TRMT1: variants seen among roughly 807,000 people sequenced by gnomAD.
TRMT1 encodes the protein tRNA methyltransferase 1.
In TRMT1, 63 loss-of-function variants were observed where a neutral mutation model predicts 75.4. The ratio of observed to expected loss-of-function variants is 0.84; its 90% CI spans 0.68 to 1.03. The LOEUF is 1.03. Ranked by LOEUF, TRMT1 falls within the 50% of genes least tolerant of loss-of-function variation. The pLI, the probability that TRMT1 is intolerant of heterozygous loss-of-function variation, is 0.00. For synonymous variants in TRMT1, 382 were observed against 358.1 expected, an observed-to-expected ratio of 1.07 and a Z score of -0.75; for missense variants, 870 against 905.3, an observed-to-expected ratio of 0.96 and a Z score of 0.50.
rs1190168954 is a variant in TRMT1 at position 13,116,658 on chromosome 19, C to T, written c.-38G>A. The T allele has an allele frequency of 3.8e-6, 2 of 520,500 alleles. No homozygotes were observed. The highest frequency in any genetic ancestry group is 6.8e-6 in the Non-Finnish European group (2 of 295,170). 32.2% of individuals were successfully genotyped at this position (520,500 alleles called of 1,614,324 possible). ...GCTGCCTAGCCCGTCCTCACCTGCT[C>T]TCGTAGCCACAGAAAACCGAATTAG... On this transcript the variant is annotated 5_prime_UTR_variant, in exon 1 of 17. Coordinates refer to ENST00000357720, the MANE Select transcript of TRMT1 (RefSeq NM_001136035.4).
chr19:13,110,342 C>T (rs914870407), intron 7 of TRMT1, 36 bp from the exon 8 acceptor site: 11 of 1,553,462 alleles, frequency 7.1e-6, no homozygotes, highest in South Asian at 1.2e-5. Context: ...CTCCCCTCCA[C>T]TATCCACCCA....
At chr19:13,106,242 T>C (rs2018862877) in intron 14 of TRMT1, among the ~76,000 whole-genome samples, 1 of 151,604 alleles carries the variant, frequency 6.6e-6, no homozygotes, top group Admixed American at 6.6e-5. Context: ...CTAATTTTTT[T>C]AGTTTTCTGG....
intron 7 of TRMT1, among the ~76,000 whole-genome samples, chr19:13,110,956 A>G (rs2019115543): frequency 6.6e-6 from 1 of 152,174 alleles, no homozygotes; most frequent in Non-Finnish European, 1.5e-5. Context: ...ATCTCAAAAA[A>G]GAAAAAAAAG....
At chr19:13,113,574 A>C (rs2019222732) in intron 5 of TRMT1, among the ~76,000 whole-genome samples, 1 of 151,972 alleles carries the variant, frequency 6.6e-6, no homozygotes, top group Non-Finnish European at 1.5e-5. Flanking sequence ...TCTGCCTGAC[A>C]CCATTTCAAG....
Position 13,112,744 on chromosome 19 carries a change from G to A in TRMT1, c.831C>T (p.Tyr277=), listed in dbSNP as rs772203275. The change falls in exon 7 of 17, where the codon TAC becomes TAT. Residue 277 remains tyrosine (Y), a synonymous_variant. Coordinates refer to ENST00000357720, the MANE Select transcript of TRMT1 (RefSeq NM_001136035.4). ...CCCGGCTCTTGAGGGCCATGGCCCCGTACTTGCTGTAGCACGTCTCCCCGC... is the reference window on the plus strand; with the variant it reads ...CCCGGCTCTTGAGGGCCATGGCCCCATACTTGCTGTAGCACGTCTCCCCGC... The part of the protein sequence containing the change: ...GNSGETCYSK[Y]GAMALKSRAC... 29 of 1,613,382 alleles carry A rather than the reference G, an allele frequency of 1.8e-5. No homozygotes were observed. Among genetic ancestry groups the A allele is most frequent in the East Asian group, 1.1e-4 (5 of 44,896 alleles).
Position 13,110,197 on chromosome 19 carries a change from C to A in TRMT1, c.980G>T (p.Arg327Leu). 6.2e-7 allele frequency: 1 copy of A among 1,612,516 alleles called. No homozygotes were observed. The highest frequency in any genetic ancestry group is 8.5e-7 in the Non-Finnish European group (1 of 1,180,020). The change falls in exon 8 of 17, where the codon CGT (arginine) becomes CTT (leucine). Residue 327 changes from arginine to leucine, a missense_variant. Arg to Leu is a moderately radical substitution (Grantham distance 102). Transcript: ENST00000357720. Reference protein sequence around the residue: ...SADFYVRVFVRVFTGQAKVKA... With the variant: ...SADFYVRVFVLVFTGQAKVKA... ...GACCTTGGCCTGGCCGGTGAAGACACGGACAAAAACACGCACGTAGAAGTC... is the reference window on the plus strand; with the variant it reads ...GACCTTGGCCTGGCCGGTGAAGACAAGGACAAAAACACGCACGTAGAAGTC...
chr19:13,115,018 T>C lies in TRMT1; in HGVS notation c.641+261A>G, dbSNP rs145468168. On this transcript the variant is annotated intron_variant, in intron 5 of 16. Transcript: ENST00000357720. ...CTGGATATACTATGGCTCATTTGAA[T>C]GAATAAAAGGAGTGTAAGAAGTTAA... is the stretch of plus-strand genomic sequence containing the variant. Among the ~76,000 whole-genome samples, 101 of 152,276 alleles carry C rather than the reference T, an allele frequency of 6.6e-4. 1 individual carries two copies. Among genetic ancestry groups the C allele is most frequent in the African/African-American group, 2.4e-3 (99 of 41,550 alleles).
chr19:13,109,529 C>T, intron 11 of TRMT1, 21 bp downstream of exon 11: 8 of 1,613,948 alleles, frequency 5.0e-6, no homozygotes, highest in Non-Finnish European at 6.8e-6. Context: ...GCCCCCTTCC[C>T]CGTCACAGCC....
At chr19:13,105,964 A>G (rs190709631) in intron 14 of TRMT1, among the ~76,000 whole-genome samples, 78 of 152,254 alleles carry the variant, frequency 5.1e-4, no homozygotes, top group African/African-American at 1.9e-3. Context: ...CGGGACGCTG[A>G]GGCAGGAGAA....
rs749406069 is a variant in TRMT1 at position 13,107,637 on chromosome 19, G to C, written c.1520C>G (p.Pro507Arg). 5.6e-6 allele frequency: 9 copies of C among 1,607,208 alleles called. No individual in the cohort carries two copies. Among genetic ancestry groups the C allele is most frequent in the Non-Finnish European group, 7.7e-6 (9 of 1,176,208 alleles). The change falls in exon 14 of 17, where the codon CCG (proline) becomes CGG (arginine). Residue 507 changes from proline to arginine, a missense_variant. By Grantham distance (103) the Pro-to-Arg change is moderately radical (BLOSUM62 -2). Transcript: ENST00000357720. ...CTCTGATAGTCGCTCCCGTTTCACCGGACATTCCTTCTCCTGGGGGCAGAG... is the reference window on the plus strand; with the variant it reads ...CTCTGATAGTCGCTCCCGTTTCACCCGACATTCCTTCTCCTGGGGGCAGAG... ...DIMRCWEKEC[P>R]VKRERLSETS... is the part of the protein sequence containing the mutation.
At chr19:13,112,480 C>T (rs896654508) in intron 7 of TRMT1, among the ~76,000 whole-genome samples, 7 of 152,204 alleles carry the variant, frequency 4.6e-5, no homozygotes, top group Non-Finnish European at 7.3e-5. Context: ...CCATGCACTC[C>T]TGTCCTGGCC....
At chr19:13,115,909 C>T (rs2019328914) in intron 3 of TRMT1, 88 bp downstream of exon 3, 3 of 1,610,086 alleles carry the variant, frequency 1.9e-6, no homozygotes, top group Non-Finnish European at 1.7e-6. Flanking sequence ...GTGGCTGAAG[C>T]CCCTCTGGAT....
At chr19:13,116,546 C>A (rs1030349153) in intron 1 of TRMT1, 107 bp downstream of exon 1, 64 of 1,098,782 alleles carry the variant, frequency 5.8e-5, no homozygotes, top group Non-Finnish European at 6.7e-5. Flanking sequence ...CCTCGGTAAG[C>A]TGATATCCCC....
rs138022726 is a variant in TRMT1 at position 13,109,568 on chromosome 19, G to T, written c.1293C>A (p.Val431=). 11 of 1,613,906 alleles carry T rather than the reference G, an allele frequency of 6.8e-6. No individual in the cohort carries two copies. Among genetic ancestry groups the T allele is most frequent in the Middle Eastern group, 1.6e-4 (1 of 6,078 alleles). The stretch of plus-strand genomic sequence containing the variant: ...CTCTCACCTCAGTGATGACGCTCAG[G>T]ACCCCTCGGATCCGCTCCGAGGTGT... The part of the protein sequence containing the change: ...RFHTSERIRG[V]LSVITEELPD... Residue 431 remains valine, a synonymous_variant, in exon 11 of 17, where the codon GTC becomes GTA. Coordinates refer to ENST00000357720, the MANE Select transcript of TRMT1 (RefSeq NM_001136035.4).
intron 14 of TRMT1, 24 bp downstream of exon 14, chr19:13,107,550 G>C (rs373923338): frequency 6.3e-7 from 1 of 1,584,070 alleles, no homozygotes; most frequent in African/African-American, 1.3e-5. Flanking sequence ...AGCCCTGGCC[G>C]CTCCTGCATG....
rs1599917385 is a variant in TRMT1 at position 13,105,186 on chromosome 19, C to G, written c.1833+81G>C. On this transcript the variant is annotated intron_variant, in intron 16 of 16. Coordinates refer to ENST00000357720, the MANE Select transcript of TRMT1 (RefSeq NM_001136035.4). The stretch of plus-strand genomic sequence containing the variant: ...CCACTCCCAAACACTTGCCTGGCCC[C>G]AGCTCCCCCAATTCTCTCCCTGTTG... 8 of 1,559,860 alleles carry G rather than the reference C, an allele frequency of 5.1e-6. No homozygotes were observed. In the East Asian group the frequency reaches 1.8e-4, roughly 35 times the overall value.
At position 13,115,462 on chromosome 19, in the gene TRMT1, C is replaced by G. The variant is rs778241553; in HGVS notation, c.458G>C (p.Gly153Ala). ...TGCCAGGCCTTCCAGCACATGCAGGCCTTCCTGTTGGAGTAAGCAGAAAAC... is the reference window on the plus strand; with the variant it reads ...TGCCAGGCCTTCCAGCACATGCAGGGCTTCCTGTTGGAGTAAGCAGAAAAC... The part of the protein sequence containing the change: ...TAAVGEICEE[G>A]LHVLEGLAAS... Residue 153 changes from glycine to alanine, a missense_variant, in exon 5 of 17, where the codon GGC (glycine) becomes GCC (alanine). Physicochemically the swap from Gly to Ala is moderately conservative, Grantham distance 60. Coordinates refer to ENST00000357720, the MANE Select transcript of TRMT1 (RefSeq NM_001136035.4). 1.9e-6 allele frequency: 3 copies of G among 1,612,328 alleles called. No homozygotes were observed. The highest frequency in any genetic ancestry group is 2.5e-6 in the Non-Finnish European group (3 of 1,179,182).
intron 12 of TRMT1, among the ~76,000 whole-genome samples, 181 bp downstream of exon 12, chr19:13,109,200 C>A (rs992336655): frequency 6.6e-6 from 1 of 151,390 alleles, no homozygotes; most frequent in Non-Finnish European, 1.5e-5. Context: ...TACTACGTTG[C>A]CCAGGTTGGC....
At chr19:13,109,357 C>G in intron 12 of TRMT1, 24 bp downstream of exon 12, 1 of 1,611,866 alleles carries the variant, frequency 6.2e-7, no homozygotes, top group Non-Finnish European at 8.5e-7. Flanking sequence ...GGGACAGGCT[C>G]CTCCCGACCC....
Sources: allele counts gnomAD v4.1 joint callset (sites outside exome capture counted in the v4.1 genomes callset), GRCh38; gene constraint gnomAD v4.1.1; transcripts MANE v1.5; gene names NCBI Gene and HGNC (gene_info 2026-07-23, HGNC 2026-07-21).